Variants in COG6 observed in about 807,000 individuals in gnomAD.
COG6 encodes the protein conserved oligomeric Golgi complex subunit 6.
COG6 carries 74 observed loss-of-function variants against 88.8 expected under a neutral mutation model. That is an observed-to-expected ratio of 0.83 (90% CI 0.69 to 1.01). COG6 has a LOEUF of 1.01. Ranked by LOEUF, COG6 falls within the 50% of genes least tolerant of loss-of-function variation. The pLI, the probability that COG6 is intolerant of heterozygous loss-of-function variation, is 0.00. For synonymous variants in COG6, 286 were observed against 278.7 expected (o/e 1.03, Z -0.26); for missense variants, 800 against 797.9 (o/e 1.00, Z -0.03).
intron 13 of COG6, among the ~76,000 whole-genome samples, chr13:39,706,659 T>C (rs1051022559): frequency 2.0e-5 from 3 of 152,152 alleles, no homozygotes; most frequent in African/African-American, 7.2e-5. Flanking sequence ...TTTCAATAGC[T>C]TAAATGCTTT....
chr13:39,767,107 C>T (rs759120848), intron 18 of COG6, among the ~76,000 whole-genome samples: 7 of 152,282 alleles, frequency 4.6e-5, no homozygotes, highest in East Asian at 3.9e-4. Flanking sequence ...TTGTTTCCTT[C>T]ATCTCCTTGC....
At chr13:39,694,289 T>G (rs975251128) in intron 11 of COG6, among the ~76,000 whole-genome samples, 4 of 151,828 alleles carry the variant, frequency 2.6e-5, no homozygotes, top group South Asian at 2.1e-4. Context: ...ATAATCTGTT[T>G]TAGGGATGTA....
intron 5 of COG6, among the ~76,000 whole-genome samples, chr13:39,679,193 A>G (rs942366425): frequency 3.3e-5 from 5 of 152,202 alleles, no homozygotes; most frequent in African/African-American, 1.2e-4. Flanking sequence ...TGTGTAATAC[A>G]CAATACTTTT....
chr13:39,658,707 G>C, intron 1 of COG6, among the ~76,000 whole-genome samples: 1 of 152,114 alleles, frequency 6.6e-6, no homozygotes, highest in South Asian at 2.1e-4. Context: ...CTCATTGTTT[G>C]CTCTGTCTGT....
intron 8 of COG6, among the ~76,000 whole-genome samples, chr13:39,686,943 T>A (rs1393792902): frequency 1.3e-5 from 2 of 151,964 alleles, no homozygotes; most frequent in Non-Finnish European, 2.9e-5. Flanking sequence ...TTGCCCAGGC[T>A]GGTCTCAAAC....
Position 39,780,792 on chromosome 13 carries a change from G to A in COG6, c.1827-7543G>A, listed in dbSNP as rs903387744. On this transcript the variant is annotated intron_variant, in intron 18 of 18. Coordinates refer to the COG6 transcript ENST00000416691. ...ATGAAAAAATGCCACACAAGGACCC[G>A]GGCAGAGAAACAAAGATAAGAGCTA... 4.0e-4 allele frequency among the ~76,000 whole-genome samples: 61 copies of A among 152,068 alleles called. 4 individuals carry two copies. The highest frequency in any genetic ancestry group is 6.6e-5 in the Admixed American group (1 of 15,266).
chr13:39,784,450 C>T (rs1428666248), intron 18 of COG6, among the ~76,000 whole-genome samples: 1 of 152,142 alleles, frequency 6.6e-6, no homozygotes, highest in Non-Finnish European at 1.5e-5. Context: ...GTGTTCTGCA[C>T]CAGGGGCAGT....
intron 4 of COG6, among the ~76,000 whole-genome samples, chr13:39,675,944 CAT>C (rs1018971570): frequency 1.3e-5 from 2 of 151,998 alleles, no homozygotes; most frequent in Non-Finnish European, 2.9e-5. Flanking sequence ...TTATAATTGA[CAT>C]ATAATGATTA....
At chr13:39,683,749 A>C (rs1876458181) in intron 8 of COG6, among the ~76,000 whole-genome samples, 1 of 150,450 alleles carries the variant, frequency 6.6e-6, no homozygotes, top group African/African-American at 2.4e-5. Context: ...TTATGTATTA[A>C]AAAAAAAAAG....
At position 39,687,774 on chromosome 13, in the gene COG6, T is replaced by C; in HGVS notation, c.984T>C (p.Ala328=). The change falls in exon 10 of 19, where the codon GCT becomes GCC. Residue 328 remains alanine (A), a synonymous_variant. Transcript: ENST00000455146. ...CTTCTGAAAAGGAACACCTTGAAGCTCTCTTAAAGCATGTAACTACACAAG... is the reference window on the plus strand; with the variant it reads ...CTTCTGAAAAGGAACACCTTGAAGCCCTCTTAAAGCATGTAACTACACAAG... The part of the protein sequence containing the change: ...ATASEKEHLE[A]LLKHVTTQGV... The C allele has an allele frequency of 3.1e-6, 5 of 1,613,786 alleles. No individual in the cohort carries two copies. The highest frequency in any genetic ancestry group is 4.2e-6 in the Non-Finnish European group (5 of 1,179,726).
At chr13:39,768,786 T>A (rs921285355) in intron 18 of COG6, among the ~76,000 whole-genome samples, 12 of 152,072 alleles carry the variant, frequency 7.9e-5, no homozygotes, top group African/African-American at 2.9e-4. Context: ...TAGACTTCAC[T>A]ACTCAACTCA....
chr13:39,706,212 CCT>C (rs1491404436), intron 13 of COG6, among the ~76,000 whole-genome samples: 1 of 23,016 alleles, frequency 4.3e-5, no homozygotes, highest in Non-Finnish European at 7.2e-5. Context: ...TATATATACT[CCT>C]TTATATATAT....
chr13:39,777,283 C>T (rs1028678798), intron 18 of COG6, among the ~76,000 whole-genome samples: 1 of 152,118 alleles, frequency 6.6e-6, no homozygotes, highest in African/African-American at 2.4e-5. Context: ...GGGGTGTCCA[C>T]TCCAGCAGTG....
At position 39,694,618 on chromosome 13, in the gene COG6, TCA is replaced by T. The variant is rs1245117869; in HGVS notation, c.1075-13_1075-12del. On this transcript the variant is annotated splice_polypyrimidine_tract_variant and intron_variant, in intron 11 of 18. Transcript: ENST00000455146. ...CTTTTAAGAAATGTTTACTTTCCTC[TCA>T]CATATTTTAATAGGTTCGAATTGAG... 5 of 1,468,734 alleles carry T rather than the reference TCA, an allele frequency of 3.4e-6. No homozygotes were observed. In the South Asian group the frequency reaches 4.6e-5, roughly 13 times the overall value. The allele number at this position is 1,468,734 out of a possible 1,614,324, so 91.0% of individuals were successfully genotyped here. A position where few individuals can be genotyped will look rare whatever the true frequency, so the allele number is the denominator to read the frequency against.
chr13:39,703,280 C>A (rs1273426955), intron 13 of COG6, among the ~76,000 whole-genome samples: 2 of 152,020 alleles, frequency 1.3e-5, no homozygotes, highest in East Asian at 1.9e-4. Context: ...AAAAAAAAAT[C>A]TTTACCAACA....
chr13:39,678,417 T>C (rs1278442734), intron 5 of COG6, among the ~76,000 whole-genome samples: 1 of 152,204 alleles, frequency 6.6e-6, no homozygotes, highest in African/African-American at 2.4e-5. Flanking sequence ...AGTGATTGCA[T>C]GTTCTTTCTT....
chr13:39,673,817 A>G (rs1023510333), intron 4 of COG6, among the ~76,000 whole-genome samples: 5 of 151,914 alleles, frequency 3.3e-5, no homozygotes, highest in African/African-American at 1.2e-4. Context: ...TGTATTGTTA[A>G]TATTTTACTT....
chr13:39,790,810 A>G (rs1478850697), exon 19 of COG6: 1 of 151,932 alleles, frequency 6.6e-6, no homozygotes, highest in Non-Finnish European at 1.5e-5. Flanking sequence ...TTATTTCTAG[A>G]TACTTTTTGT....
intron 18 of COG6, among the ~76,000 whole-genome samples, chr13:39,744,125 T>C (rs1159457123): frequency 3.9e-5 from 6 of 152,140 alleles, no homozygotes; most frequent in African/African-American, 1.4e-4. Context: ...GAGCTATTTA[T>C]GACAAACCCA....
Sources: gnomAD v4.1 joint callset for allele counts (sites outside exome capture counted in the v4.1 genomes callset) on GRCh38, gnomAD v4.1.1 for gene constraint, MANE v1.5 for transcripts, NCBI Gene and HGNC (gene_info 2026-07-23, HGNC 2026-07-21) for gene names.